The following NCAM2 variants were observed in gnomAD, a reference collection of about 807,000 sequenced individuals.
NCAM2 encodes the protein neural cell adhesion molecule 2.
Under a neutral mutation model 98.1 loss-of-function variants are expected in NCAM2, and 30 were observed. The observed-to-expected ratio is 0.31, with a 90% CI of 0.23 to 0.41. The LOEUF is 0.41. Ranked by LOEUF, NCAM2 falls within the 10% of genes least tolerant of loss-of-function variation. The pLI is 1.00. For synonymous variants in NCAM2, 368 were observed against 342.4 expected, an observed-to-expected ratio of 1.07 and a Z score of -0.83; for missense variants, 867 against 1,005.8, an observed-to-expected ratio of 0.86 and a Z score of 1.87.
At chr21:21,080,924 G>A (rs954990006) in intron 1 of NCAM2, among the ~76,000 whole-genome samples, 3 of 152,020 alleles carry the variant, frequency 2.0e-5, no homozygotes, top group Non-Finnish European at 4.4e-5. Context: ...TTATTAAAAC[G>A]CTTTAGAACA....
intron 1 of NCAM2, among the ~76,000 whole-genome samples, chr21:21,082,306 C>T: frequency 1.0e-5 from 1 of 98,356 alleles, no homozygotes; most frequent in African/African-American, 3.7e-5. Context: ...AAAACAAAAA[C>T]ACCTTATTGA....
chr21:21,063,004 A>G (rs1442216980), intron 1 of NCAM2, among the ~76,000 whole-genome samples: 1 of 152,130 alleles, frequency 6.6e-6, no homozygotes, highest in Non-Finnish European at 1.5e-5. Flanking sequence ...AAGTTCTTCT[A>G]AAAGAGAAAA....
At chr21:21,432,632 A>G (rs1295236019) in intron 12 of NCAM2, among the ~76,000 whole-genome samples, 2 of 151,574 alleles carry the variant, frequency 1.3e-5, no homozygotes, top group Non-Finnish European at 2.9e-5. Context: ...TTCTCTCAAG[A>G]ATAGGTGTGA....
chr21:21,408,897 C>T (rs1834637323), intron 9 of NCAM2, among the ~76,000 whole-genome samples: 1 of 151,966 alleles, frequency 6.6e-6, no homozygotes, highest in Admixed American at 6.6e-5. Context: ...ATGATTACTT[C>T]TGCATTTGTA....
chr21:21,448,273 C>T (rs1417654460), intron 12 of NCAM2, among the ~76,000 whole-genome samples: 1 of 151,970 alleles, frequency 6.6e-6, no homozygotes, highest in Non-Finnish European at 1.5e-5. Context: ...AATCCATCAT[C>T]CTCAGCAACT....
chr21:21,129,122 G>A (rs1017971953), intron 1 of NCAM2, among the ~76,000 whole-genome samples: 2 of 152,134 alleles, frequency 1.3e-5, no homozygotes, highest in Non-Finnish European at 2.9e-5. Flanking sequence ...TGTAGATACT[G>A]TGGCAAGTTT....
In NCAM2 at chr21:21,134,489, A is replaced by G. The variant is rs533411868; in HGVS notation, c.55+135871A>G. Among the ~76,000 whole-genome samples, 5 of 152,236 alleles carry G rather than the reference A, an allele frequency of 3.3e-5. No individual in the cohort carries two copies. The South Asian group carries it at 1.0e-3, about 32-fold the overall frequency. ...ATTGGTTTTTGTCTATAGGAGTTAAAGAGCCTAATGGTCCATTAAACTCTG... is the reference window on the plus strand; with the variant it reads ...ATTGGTTTTTGTCTATAGGAGTTAAGGAGCCTAATGGTCCATTAAACTCTG... On this transcript the variant is annotated intron_variant, in intron 1 of 17. Coordinates refer to ENST00000400546, the MANE Select transcript of NCAM2 (RefSeq NM_004540.5).
At chr21:21,294,513 T>C (rs1462805582) in intron 5 of NCAM2, among the ~76,000 whole-genome samples, 2 of 151,916 alleles carry the variant, frequency 1.3e-5, no homozygotes, top group Non-Finnish European at 2.9e-5. Flanking sequence ...CCATAGATTC[T>C]AATATGAACA....
intron 1 of NCAM2, among the ~76,000 whole-genome samples, chr21:21,125,415 ACATATATT>A (rs2066775151): frequency 7.3e-6 from 1 of 137,704 alleles, no homozygotes. Flanking sequence ...ATAATATTTT[ACATATATT>A]CATACATATG....
At position 20,998,632 on chromosome 21, in the gene NCAM2, G is replaced by T. The variant is rs1272446192; in HGVS notation, c.55+14G>T. ...GTAGCGGGCAAGGTAGGAGTGTGGC[G>T]CTTTATTGCATTTACTTTCCCTCCC... On this transcript the variant is annotated intron_variant, in intron 1 of 17. Coordinates refer to ENST00000400546, the MANE Select transcript of NCAM2 (RefSeq NM_004540.5). 6.2e-7 allele frequency: 1 copy of T among 1,613,132 alleles called. No homozygotes were observed. Among genetic ancestry groups the T allele is most frequent in the East Asian group, 2.2e-5 (1 of 44,860 alleles).
intron 1 of NCAM2, among the ~76,000 whole-genome samples, chr21:21,245,196 T>A (rs2071217474): frequency 6.6e-6 from 1 of 152,202 alleles, no homozygotes; most frequent in African/African-American, 2.4e-5. Flanking sequence ...GGTACCTTTT[T>A]TTCTCTATAT....
chr21:21,418,129 A>G (rs1452578965), intron 10 of NCAM2, among the ~76,000 whole-genome samples: 1 of 152,014 alleles, frequency 6.6e-6, no homozygotes, highest in African/African-American at 2.4e-5. Flanking sequence ...ATATATACAC[A>G]TATATATTTC....
At chr21:21,043,963 C>T (rs185085725) in intron 1 of NCAM2, among the ~76,000 whole-genome samples, 1 of 151,616 alleles carries the variant, frequency 6.6e-6, no homozygotes, top group East Asian at 1.9e-4. Context: ...TACTGGAATA[C>T]TCCAAATCAA....
chr21:21,419,298 T>C (rs1057026353), intron 11 of NCAM2, among the ~76,000 whole-genome samples: 1 of 126,998 alleles, frequency 7.9e-6, no homozygotes, highest in African/African-American at 3.1e-5. Flanking sequence ...GTGAAAGAAA[T>C]AGGGAACTTT....
At chr21:21,104,074 C>A (rs2066295846) in intron 1 of NCAM2, among the ~76,000 whole-genome samples, 1 of 152,028 alleles carries the variant, frequency 6.6e-6, no homozygotes, top group Admixed American at 6.6e-5. Flanking sequence ...AGTATTATTT[C>A]TTTGCCTTTG....
In NCAM2 at chr21:21,394,469, C is replaced by CTTTTTTTTTTTTTTTTTTT. The variant is rs532068473; in HGVS notation, c.1196-15786_1196-15768dup. 3.8e-4 allele frequency among the ~76,000 whole-genome samples: 22 copies of CTTTTTTTTTTTTTTTTTTT among 57,672 alleles called. 4 individuals carry two copies. The highest frequency in any genetic ancestry group is 5.3e-4 in the Admixed American group (2 of 3,740). 37.8% of individuals were successfully genotyped at this position (57,672 alleles called of 152,430 possible). ...GACCTTAGTTAATTTAAGGGGCCAG[C>CTTTTTTTTTTTTTTTTTTT]TTTTTTTTTTTTTTTTTTTTTTTTT... On this transcript the variant is annotated intron_variant, in intron 9 of 17. Transcript: ENST00000400546.
At chr21:21,499,269 G>C (rs1322591676) in intron 15 of NCAM2, among the ~76,000 whole-genome samples, 1 of 152,144 alleles carries the variant, frequency 6.6e-6, no homozygotes, top group East Asian at 1.9e-4. Context: ...GTTTGTTTGA[G>C]ACAGAGTCTC....
At chr21:21,152,663 G>A (rs990700248) in intron 1 of NCAM2, among the ~76,000 whole-genome samples, 1 of 151,854 alleles carries the variant, frequency 6.6e-6, no homozygotes, top group East Asian at 1.9e-4. Context: ...TTTGGGGTCT[G>A]TATTGAATAT....
chr21:21,172,915 TTTTG>T (rs1213754875), intron 1 of NCAM2, among the ~76,000 whole-genome samples: 6 of 152,090 alleles, frequency 3.9e-5, no homozygotes, highest in Admixed American at 6.6e-5. Flanking sequence ...AATAAAATAT[TTTTG>T]TTTATTTCAC....
Sources: gnomAD v4.1 joint callset for allele counts (sites outside exome capture counted in the v4.1 genomes callset) on GRCh38, gnomAD v4.1.1 for gene constraint, MANE v1.5 for transcripts, NCBI Gene and HGNC (gene_info 2026-07-23, HGNC 2026-07-21) for gene names.